The following ANKRD54 variants were observed in gnomAD, a reference collection of about 807,000 sequenced individuals.
The protein encoded by ANKRD54 is ankyrin repeat domain-containing protein 54.
In ANKRD54, 26 loss-of-function variants were observed where a neutral mutation model predicts 36.2. That is an observed-to-expected ratio of 0.72 (90% CI 0.53 to 1.00). The LOEUF is 1.00. Among genes scored for constraint, ANKRD54 ranks in the 50% least tolerant of loss-of-function variants. The pLI is 0.00. For synonymous variants in ANKRD54, 209 were observed against 188.4 expected (o/e 1.11, Z -0.89); for missense variants, 384 against 424.3 (o/e 0.91, Z 0.83).
Position 37,831,658 on chromosome 22 carries a change from G to C in ANKRD54, c.*285C>G, listed in dbSNP as rs1922893185. 6.1e-6 allele frequency: 3 copies of C among 487,900 alleles called. No individual in the cohort carries two copies. The highest frequency in any genetic ancestry group is 7.5e-6 in the Non-Finnish European group (2 of 267,928). The allele number at this position is 487,900 out of a possible 1,614,324, so 30.2% of individuals were successfully genotyped here. A position where few individuals can be genotyped will look rare whatever the true frequency, so the allele number is the denominator to read the frequency against. ...AAGTGAGGTCTGCTGAGATAGCGCA[G>C]GTCTGCGGAGCTGAAGTGCAGCTGC... On this transcript the variant is annotated 3_prime_UTR_variant, in exon 8 of 8. Coordinates refer to ENST00000215941, the MANE Select transcript of ANKRD54 (RefSeq NM_138797.4).
chr22:37,833,879 G>T, intron 3 of ANKRD54, 124 bp from the exon 4 acceptor site: 1 of 797,184 alleles, frequency 1.3e-6, no homozygotes, highest in South Asian at 1.6e-5. Flanking sequence ...GGATGGCTGT[G>T]TTACTTCATT....
In ANKRD54 at chr22:37,840,207, T is replaced by C. The variant is rs189860207; in HGVS notation, c.356A>G (p.Asn119Ser). ...HALKRLRDSANANDVETVQQL... is the reference protein window; with the variant it reads ...HALKRLRDSASANDVETVQQL... The stretch of plus-strand genomic sequence containing the variant: ...CTCACCTGTTTCCACATCATTGGCA[T>C]TGGCCGAGTCCCTCAGTCTCTTCAG... The change falls in exon 2 of 8, where the codon AAT becomes AGT. Residue 119 changes from asparagine (N) to serine (S), a missense_variant. Around this residue, in one of 3 missense-constraint regions of ANKRD54, gnomAD observed 10 missense variants for 22.5 expected, o/e 0.44. Transcript: ENST00000215941. The C allele has an allele frequency of 2.5e-6, 4 of 1,614,076 alleles. No individual in the cohort carries two copies. Among genetic ancestry groups the C allele is most frequent in the Non-Finnish European group, 3.4e-6 (4 of 1,179,940 alleles).
At chr22:37,842,003 G>A (rs1179024034) in intron 1 of ANKRD54, among the ~76,000 whole-genome samples, 1 of 151,280 alleles carries the variant, frequency 6.6e-6, no homozygotes, top group African/African-American at 2.4e-5. Flanking sequence ...TCACACCATG[G>A]CACTCCAGCC....
upstream of ANKRD54, among the ~76,000 whole-genome samples, chr22:37,847,482 A>C (rs1387470312): frequency 6.6e-6 from 1 of 152,090 alleles, no homozygotes; most frequent in Non-Finnish European, 1.5e-5. Context: ...GTTATTATTT[A>C]AACTAGAAAC....
At chr22:37,835,886 C>A (rs1301524682) in intron 3 of ANKRD54, among the ~76,000 whole-genome samples, 2 of 152,172 alleles carry the variant, frequency 1.3e-5, no homozygotes, top group East Asian at 3.9e-4. Flanking sequence ...CTCTCCCAGT[C>A]TGGAGTGCAG....
chr22:37,836,730 G>C (rs1923597234), intron 3 of ANKRD54, among the ~76,000 whole-genome samples: 1 of 150,074 alleles, frequency 6.7e-6, no homozygotes, highest in African/African-American at 2.5e-5. Context: ...AGAACTTAAA[G>C]TTTAAAAAAA....
At chr22:37,846,684 C>G (rs1924859099), upstream of ANKRD54, among the ~76,000 whole-genome samples, 1 of 152,130 alleles carries the variant, frequency 6.6e-6, no homozygotes, top group South Asian at 2.1e-4. Flanking sequence ...ATCCTCCCAC[C>G]TTGGCCTCCC....
upstream of ANKRD54, among the ~76,000 whole-genome samples, chr22:37,847,347 A>G (rs1279937096): frequency 6.6e-6 from 1 of 151,652 alleles, no homozygotes; most frequent in East Asian, 1.9e-4. Context: ...TTTTTAGTAG[A>G]GACGGGGTTT....
At chr22:37,847,400 G>C (rs1411804753), upstream of ANKRD54, among the ~76,000 whole-genome samples, 1 of 152,046 alleles carries the variant, frequency 6.6e-6, no homozygotes, top group African/African-American at 2.4e-5. Context: ...GACCTCAGGT[G>C]ATCCATCTGC....
upstream of ANKRD54, among the ~76,000 whole-genome samples, chr22:37,844,621 C>T (rs1924721576): frequency 6.6e-6 from 1 of 152,108 alleles, no homozygotes; most frequent in Non-Finnish European, 1.5e-5. Flanking sequence ...GAGTCTCGCT[C>T]TGCCGCCAGG....
chr22:37,833,009 C>G lies in ANKRD54; in HGVS notation c.669G>C (p.Leu223=), dbSNP rs138882606. The G allele has an allele frequency of 4.3e-6, 7 of 1,614,056 alleles. No homozygotes were observed. Among genetic ancestry groups the G allele is most frequent in the Non-Finnish European group, 5.9e-6 (7 of 1,180,052 alleles). The change falls in exon 6 of 8, where the codon CTG becomes CTC. Residue 223 remains leucine, a synonymous_variant. Transcript: ENST00000215941. The part of the protein sequence containing the change: ...LHLAKSKLNI[L]QEGHAQCLEA... ...CTAGGCACTGGGCATGGCCCTCCTG[C>G]AGGATATTCAGCTTTGACTTGGCCA... is the stretch of plus-strand genomic sequence containing the variant.
intron 1 of ANKRD54, among the ~76,000 whole-genome samples, chr22:37,842,627 G>A (rs1924419634): frequency 6.6e-6 from 1 of 152,214 alleles, no homozygotes; most frequent in African/African-American, 2.4e-5. Flanking sequence ...CTAATGGAAA[G>A]CAATGTCTTT....
At chr22:37,835,960 G>A (rs1923466470) in intron 3 of ANKRD54, among the ~76,000 whole-genome samples, 1 of 151,790 alleles carries the variant, frequency 6.6e-6, no homozygotes, top group Non-Finnish European at 1.5e-5. Context: ...CTGCCTCAGC[G>A]AGTAGCTGGA....
chr22:37,845,089 A>C (rs1924758380), upstream of ANKRD54, among the ~76,000 whole-genome samples: 1 of 152,064 alleles, frequency 6.6e-6, no homozygotes, highest in Admixed American at 6.6e-5. Context: ...AATGTGTTGA[A>C]ATTTGGAGAT....
At chr22:37,846,232 T>C (rs73413903), upstream of ANKRD54, among the ~76,000 whole-genome samples, 6,707 of 152,266 alleles carry the variant, frequency 0.044, 493 homozygotes, top group African/African-American at 0.15. Flanking sequence ...TCCAGAATTT[T>C]CAGTGTTTGC....
intron 4 of ANKRD54, 101 bp from the exon 5 acceptor site, chr22:37,833,307 C>A: frequency 7.0e-7 from 1 of 1,422,338 alleles, no homozygotes; most frequent in Non-Finnish European, 9.7e-7. Context: ...ACGCCTGTGC[C>A]AAGTTATGCC....
At chr22:37,839,909 G>A (rs1358221078) in intron 2 of ANKRD54, among the ~76,000 whole-genome samples, 1 of 152,218 alleles carries the variant, frequency 6.6e-6, no homozygotes, top group Non-Finnish European at 1.5e-5. Flanking sequence ...GGCTGCCAGG[G>A]ATACAAAAGT....
In ANKRD54 at chr22:37,831,697, G is replaced by T; in HGVS notation, c.*246C>A. 1.8e-6 allele frequency: 1 copy of T among 557,484 alleles called. No homozygotes were observed. The highest frequency in any genetic ancestry group is 3.2e-6 in the Non-Finnish European group (1 of 310,206). The allele number at this position is 557,484 out of a possible 1,614,324, so 34.5% of individuals were successfully genotyped here. ...AAGTGCAGCTGCAGAGGCTGGTCTG[G>T]TGCTGCGAGAACTGGAAGAAGCTGG... On this transcript the variant is annotated 3_prime_UTR_variant, in exon 8 of 8. Coordinates refer to ENST00000215941, the MANE Select transcript of ANKRD54 (RefSeq NM_138797.4).
In ANKRD54 at chr22:37,840,942, T is replaced by C. The variant is rs114684875; in HGVS notation, c.329-708A>G. Among the ~76,000 whole-genome samples, 573 of 151,484 alleles carry C rather than the reference T, an allele frequency of 3.8e-3. 1 individual carries two copies. The highest frequency in any genetic ancestry group is 0.013 in the African/African-American group (545 of 41,252). On this transcript the variant is annotated intron_variant, in intron 1 of 7. Coordinates refer to ENST00000215941, the MANE Select transcript of ANKRD54 (RefSeq NM_138797.4). ...AAAAAAACCCAGCCATCTAGCTGGG[T>C]GTGGTGGTGTGCACGTGTAACACCA...
Sources: allele counts gnomAD v4.1 joint callset (sites outside exome capture counted in the v4.1 genomes callset), GRCh38; gene constraint gnomAD v4.1.1; regional missense constraint gnomAD v4.1.1; transcripts MANE v1.5; gene names NCBI Gene and HGNC (gene_info 2026-07-23, HGNC 2026-07-21).